The following LRRTM1 variants were observed in gnomAD, a reference collection of about 807,000 sequenced individuals.
The protein encoded by LRRTM1 is leucine-rich repeat transmembrane neuronal protein 1.
Under a neutral mutation model 37.3 loss-of-function variants are expected in LRRTM1, and 8 were observed. The observed-to-expected ratio is 0.21, with a 90% confidence interval of 0.13 to 0.39. The LOEUF (loss-of-function observed/expected upper bound fraction) is 0.39. LRRTM1 is among the 10% of genes least tolerant of loss of function. The probability of loss-of-function intolerance (pLI) is 1.00; values close to 1 mark genes in which losing one functional copy is unlikely to be tolerated. For synonymous variants in LRRTM1, 326 were observed against 316.8 expected, an observed-to-expected ratio of 1.03 and a Z score of -0.31; for missense variants, 557 against 691.0, an observed-to-expected ratio of 0.81 and a Z score of 2.17.
chr2:80,292,760 G>C lies in LRRTM1; in HGVS notation c.*307-3565C>G, dbSNP rs189879873. On this transcript the variant is annotated intron_variant and NMD_transcript_variant, in intron 2 of 2. Coordinates refer to the LRRTM1 transcript ENST00000417012. Reference sequence around the variant, plus strand: ...GTTCACTCCACAAATGTTGACTTAAGCTCTGAACAAGAAATGTTGTGCTAC... The same window carrying C: ...GTTCACTCCACAAATGTTGACTTAACCTCTGAACAAGAAATGTTGTGCTAC... Among the ~76,000 whole-genome samples the C allele has an allele frequency of 4.2e-3, 633 of 152,320 alleles. 1 individual carries two copies. Among genetic ancestry groups the C allele is most frequent in the African/African-American group, 0.014 (595 of 41,560 alleles).
downstream of LRRTM1, among the ~76,000 whole-genome samples, chr2:80,300,961 A>G (rs561834482): frequency 6.0e-4 from 91 of 151,858 alleles, no homozygotes; most frequent in East Asian, 0.014. Context: ...AAAAAAAAAA[A>G]GGGAAAGCAA....
Position 80,303,475 on chromosome 2 carries a change from A to C in LRRTM1, c.345T>G (p.Val115=). The C allele has an allele frequency of 6.2e-7, 1 of 1,614,184 alleles. No homozygotes were observed. The change falls in exon 2 of 2, where the codon GTT becomes GTG. Residue 115 remains valine (V), a synonymous_variant. Transcript: ENST00000295057. This position sits in a 1 kb window ranked among gnomAD's most constrained non-coding sequence, Gnocchi z 7.7. ...QGDAFQKLRR[V]KELTLSSNQI... Reference sequence around the variant, plus strand: ...GGTTGGAACTCAGCGTGAGTTCCTTAACTCGGCGCAGTTTCTGAAAGGCGT... The same window carrying C: ...GGTTGGAACTCAGCGTGAGTTCCTTCACTCGGCGCAGTTTCTGAAAGGCGT...
chr2:80,293,441 T>C (rs990396576), intron 2 of LRRTM1, among the ~76,000 whole-genome samples: 5 of 152,208 alleles, frequency 3.3e-5, no homozygotes, highest in Non-Finnish European at 7.3e-5. Flanking sequence ...GGACTTTGGT[T>C]TAAGGAGGTA....
intron 2 of LRRTM1, among the ~76,000 whole-genome samples, chr2:80,291,244 G>T (rs187684300): frequency 6.6e-6 from 1 of 152,216 alleles, no homozygotes; most frequent in Non-Finnish European, 1.5e-5. Context: ...GATAGCAAAG[G>T]AGAATGCATA....
intron 1 of LRRTM1, 51 bp downstream of exon 1, chr2:80,304,101 G>T (rs1156902846): frequency 2.8e-6 from 1 of 352,650 alleles, no homozygotes; most frequent in Middle Eastern, 7.3e-4. Context: ...AGAAAAGGGA[G>T]GAAAAAAAAA....
intron 2 of LRRTM1, among the ~76,000 whole-genome samples, chr2:80,292,774 ATGT>A (rs1166045321): frequency 1.3e-5 from 2 of 152,232 alleles, no homozygotes; most frequent in African/African-American, 2.4e-5. Flanking sequence ...TGAACAAGAA[ATGT>A]TGTGCTACTT....
At chr2:80,297,989 T>TTA (rs1319327667), downstream of LRRTM1, among the ~76,000 whole-genome samples, 2 of 151,408 alleles carry the variant, frequency 1.3e-5, no homozygotes, top group African/African-American at 2.4e-5. Context: ...GTGTGTGTGG[T>TTA]TATATATGTG....
At chr2:80,301,337 G>T, downstream of LRRTM1, among the ~76,000 whole-genome samples, 1 of 152,188 alleles carries the variant, frequency 6.6e-6, no homozygotes, top group East Asian at 1.9e-4. Flanking sequence ...AGTGAGCTGA[G>T]GGGCTCCCTT....
In LRRTM1 at chr2:80,302,236, G is replaced by A. The variant is rs200446467; in HGVS notation, c.*15C>T. The A allele has an allele frequency of 9.1e-5, 147 of 1,607,398 alleles. No homozygotes were observed. In the African/African-American group the frequency reaches 1.9e-3, roughly 21 times the overall value. Reference sequence around the variant, plus strand: ...GCGTATTTGGTAGCGCATGGGTTGAGAGCCACTGGGACAATCACACCTCGC... The same window carrying A: ...GCGTATTTGGTAGCGCATGGGTTGAAAGCCACTGGGACAATCACACCTCGC... On this transcript the variant is annotated 3_prime_UTR_variant, in exon 2 of 2. Coordinates refer to ENST00000295057, the MANE Select transcript of LRRTM1 (RefSeq NM_178839.5). This position sits in a 1 kb window ranked among gnomAD's most constrained non-coding sequence, Gnocchi z 6.4.
intron 2 of LRRTM1, among the ~76,000 whole-genome samples, chr2:80,293,855 G>A (rs7608852): frequency 0.082 from 12,501 of 152,100 alleles, 1,146 homozygotes; most frequent in African/African-American, 0.23. Context: ...GTTGTCTCTT[G>A]GGTGTCGTGG....
intron 2 of LRRTM1, among the ~76,000 whole-genome samples, chr2:80,295,814 A>G (rs2032896973): frequency 6.6e-6 from 1 of 152,224 alleles, no homozygotes; most frequent in South Asian, 2.1e-4. Context: ...CAGAAATGTT[A>G]TGATTAACCA....
intron 2 of LRRTM1, among the ~76,000 whole-genome samples, chr2:80,294,363 A>G (rs570059112): frequency 6.6e-6 from 1 of 152,282 alleles, no homozygotes; most frequent in East Asian, 1.9e-4. Flanking sequence ...TCTTTCTTCT[A>G]TCAGTGCCAC....
rs779278586 is a variant in LRRTM1 at position 80,303,163 on chromosome 2, G to A, written c.657C>T (p.Asn219=). 6.2e-7 allele frequency: 1 copy of A among 1,614,122 alleles called. No homozygotes were observed. Among genetic ancestry groups the A allele is most frequent in the Non-Finnish European group, 8.5e-7 (1 of 1,180,008 alleles). The part of the protein sequence containing the change: ...FKLTELHLEH[N]DLVKVNFAHF... ...GGGCGAAGTTCACCTTGACCAAGTC[G>A]TTGTGCTCGAGGTGCAGCTCGGTGA... The change falls in exon 2 of 2, where the codon AAC becomes AAT. Residue 219 remains asparagine (N), a synonymous_variant. Transcript: ENST00000295057. The surrounding 1 kb of genome is among the most constrained non-coding windows in gnomAD (Gnocchi z 7.7).
intron 2 of LRRTM1, among the ~76,000 whole-genome samples, chr2:80,296,632 C>T (rs1425636563): frequency 1.3e-5 from 2 of 152,168 alleles, no homozygotes; most frequent in Non-Finnish European, 2.9e-5. Flanking sequence ...TAAGACCATT[C>T]CTTGTAAAGC....
chr2:80,302,931 G>T lies in LRRTM1; in HGVS notation c.889C>A (p.Pro297Thr). 6.2e-7 allele frequency: 1 copy of T among 1,614,044 alleles called. No individual in the cohort carries two copies. The highest frequency in any genetic ancestry group is 8.5e-7 in the Non-Finnish European group (1 of 1,180,020). Reference sequence around the variant, plus strand: ...GACTTCCAAGAGTTGAGGATCCGGGGCTCGATGTAGGTGAGGCGGTTGGAG... The same window carrying T: ...GACTTCCAAGAGTTGAGGATCCGGGTCTCGATGTAGGTGAGGCGGTTGGAG... The part of the protein sequence containing the change: ...LDSNRLTYIE[P>T]RILNSWKSLT... Residue 297 changes from proline to threonine, a missense_variant, in exon 2 of 2, where the codon CCC becomes ACC. Transcript: ENST00000295057. The surrounding 1 kb of genome is among the most constrained non-coding windows in gnomAD (Gnocchi z 6.4).
Position 80,302,221 on chromosome 2 carries a change from T to C in LRRTM1, c.*30A>G, listed in dbSNP as rs536376149. 6.3e-7 allele frequency: 1 copy of C among 1,594,326 alleles called. No individual in the cohort carries two copies. Among genetic ancestry groups the C allele is most frequent in the Non-Finnish European group, 8.6e-7 (1 of 1,169,484 alleles). The stretch of plus-strand genomic sequence containing the variant: ...GTCCCGGCTGCCCAGGCGTATTTGG[T>C]AGCGCATGGGTTGAGAGCCACTGGG... On this transcript the variant is annotated 3_prime_UTR_variant, in exon 2 of 2. Coordinates refer to ENST00000295057, the MANE Select transcript of LRRTM1 (RefSeq NM_178839.5). The surrounding 1 kb of genome is among the most constrained non-coding windows in gnomAD (Gnocchi z 6.4).
At chr2:80,293,314 G>A (rs1675428629) in intron 2 of LRRTM1, among the ~76,000 whole-genome samples, 1 of 152,184 alleles carries the variant, frequency 6.6e-6, no homozygotes, top group Non-Finnish European at 1.5e-5. Flanking sequence ...ACTGAAGGCT[G>A]CCTACAATAT....
At chr2:80,296,918 A>T (rs1338993052), downstream of LRRTM1, among the ~76,000 whole-genome samples, 2 of 152,208 alleles carry the variant, frequency 1.3e-5, no homozygotes, top group African/African-American at 2.4e-5. Context: ...AGTACCATAG[A>T]CACATGATCC....
At chr2:80,293,333 T>C (rs1418230004) in intron 2 of LRRTM1, among the ~76,000 whole-genome samples, 1 of 152,214 alleles carries the variant, frequency 6.6e-6, no homozygotes, top group African/African-American at 2.4e-5. Flanking sequence ...ATCTCTAAGA[T>C]AGAGAGCCCT....
Sources: gnomAD v4.1 joint callset for allele counts (sites outside exome capture counted in the v4.1 genomes callset) on GRCh38, gnomAD v4.1.1 for gene constraint, Gnocchi (gnomAD v3.1) non-coding constraint, MANE v1.5 for transcripts, NCBI Gene and HGNC (gene_info 2026-07-23, HGNC 2026-07-21) for gene names.